ZDHHC11: variants seen among roughly 807,000 people sequenced by gnomAD.
The protein encoded by ZDHHC11 is palmitoyltransferase ZDHHC11.
In ZDHHC11, 44 loss-of-function variants were observed where a neutral mutation model predicts 51.3. That is an observed-to-expected ratio of 0.86 (90% CI 0.67 to 1.10). ZDHHC11 has a LOEUF of 1.10. Ranked by LOEUF, ZDHHC11 falls within the 50% of genes least tolerant of loss-of-function variation. ZDHHC11 has a pLI of 0.00. For synonymous variants in ZDHHC11, 163 were observed against 222.0 expected, an observed-to-expected ratio of 0.73 and a Z score of 2.36; for missense variants, 400 against 537.7, an observed-to-expected ratio of 0.74 and a Z score of 2.53.
chr5:856,041 C>T (rs1748193313), intron 1 of ZDHHC11, among the ~76,000 whole-genome samples: 2 of 152,090 alleles, frequency 1.3e-5, no homozygotes, highest in Admixed American at 6.5e-5. Context: ...GGGACACGGA[C>T]GTCACATCAG....
chr5:842,465 G>C (rs1745160378), intron 4 of ZDHHC11: 1 of 985,372 alleles, frequency 1.0e-6, no homozygotes, highest in African/African-American at 1.7e-5. Context: ...ACTTCCACGT[G>C]GAGCTGGCAA....
Position 819,613 on chromosome 5 carries a change from C to T in ZDHHC11, c.1059-1G>A, listed in dbSNP as rs1454692849. The T allele has an allele frequency of 1.2e-6, 2 of 1,609,030 alleles. No individual in the cohort carries two copies. Among genetic ancestry groups the T allele is most frequent in the Non-Finnish European group, 1.7e-6 (2 of 1,176,096 alleles). Reference sequence around the variant, plus strand: ...CAGCCGGGAGTTCCTGGCCTTGGCTCTGGTGGGGCAAACAGAAGGAAAGAA... The same window carrying T: ...CAGCCGGGAGTTCCTGGCCTTGGCTTTGGTGGGGCAAACAGAAGGAAAGAA... On this transcript the variant is annotated splice_acceptor_variant, in intron 9 of 12. Coordinates refer to ENST00000283441, the MANE Select transcript of ZDHHC11 (RefSeq NM_024786.3). LOFTEE classifies it high-confidence loss of function.
chr5:856,782 C>T (rs540646282), intron 1 of ZDHHC11, among the ~76,000 whole-genome samples: 213 of 151,464 alleles, frequency 1.4e-3, no homozygotes, highest in Admixed American at 2.9e-3. Flanking sequence ...ACACAGCACA[C>T]CACACAAACC....
At chr5:858,005 C>G (rs980163617) in intron 1 of ZDHHC11, among the ~76,000 whole-genome samples, 7 of 139,246 alleles carry the variant, frequency 5.0e-5, no homozygotes, top group Non-Finnish European at 1.1e-4. Flanking sequence ...TCCCCCGGGT[C>G]TGTCCCGGTC....
chr5:797,766 G>C (rs535433202), intron 12 of ZDHHC11, among the ~76,000 whole-genome samples: 1 of 151,604 alleles, frequency 6.6e-6, no homozygotes, highest in South Asian at 2.1e-4. Flanking sequence ...GTTTTCTGCT[G>C]CTTCTCACTC....
In ZDHHC11 at chr5:814,590, A is replaced by G. The variant is rs1447494054; in HGVS notation, c.1181+171T>C. On this transcript the variant is annotated intron_variant, in intron 11 of 12. Transcript: ENST00000283441. Reference sequence around the variant, plus strand: ...TTCTATAATTTTTTCAAGTAAGATGAGTGCAATAAGCCACATGAATGGCTA... The same window carrying G: ...TTCTATAATTTTTTCAAGTAAGATGGGTGCAATAAGCCACATGAATGGCTA... 2.6e-5 allele frequency among the ~76,000 whole-genome samples: 4 copies of G among 151,634 alleles called. 1 individual carries two copies. The highest frequency in any genetic ancestry group is 5.9e-5 in the Non-Finnish European group (4 of 67,800).
intron 10 of ZDHHC11, chr5:816,896 C>T (rs1740872717): frequency 4.5e-6 from 2 of 441,374 alleles, no homozygotes; most frequent in South Asian, 4.0e-5. Flanking sequence ...TTCACCAAGT[C>T]TATGGCTGAA....
rs568592132 is a variant in ZDHHC11 at position 850,894 on chromosome 5, G to A, written c.-292C>T. 3.5e-5 allele frequency: 16 copies of A among 455,776 alleles called. No homozygotes were observed. Among genetic ancestry groups the A allele is most frequent in the African/African-American group, 2.3e-4 (5 of 21,350 alleles). 28.2% of individuals were successfully genotyped at this position (455,776 alleles called of 1,614,324 possible). The stretch of plus-strand genomic sequence containing the variant: ...CCAGGGTGTGGAGGACCCAGTGCCC[G>A]CGCGACCGCCCATCAGTTCCCCTGA... On this transcript the variant is annotated 5_prime_UTR_variant, in exon 1 of 13. Coordinates refer to ENST00000283441, the MANE Select transcript of ZDHHC11 (RefSeq NM_024786.3).
chr5:802,820 A>G lies in ZDHHC11; in HGVS notation c.1182-1656T>C, dbSNP rs1738630544. Among the ~76,000 whole-genome samples, 3 of 126,384 alleles carry G rather than the reference A, an allele frequency of 2.4e-5. No individual in the cohort carries two copies. The Admixed American group carries it at 2.5e-4, about 11-fold the overall frequency. The allele number at this position is 126,384 out of a possible 152,430, so 82.9% of individuals were successfully genotyped here. A position where few individuals can be genotyped will look rare whatever the true frequency, so the allele number is the denominator to read the frequency against. On this transcript the variant is annotated intron_variant, in intron 11 of 12. Coordinates refer to ENST00000283441, the MANE Select transcript of ZDHHC11 (RefSeq NM_024786.3). ...AACTCTGTCTCTACTAAAAATACAAAAATACAAAAAAAAAAAAAAAAAAAA... is the reference window on the plus strand; with the variant it reads ...AACTCTGTCTCTACTAAAAATACAAGAATACAAAAAAAAAAAAAAAAAAAA...
Position 825,167 on chromosome 5 carries a change from T to C in ZDHHC11, c.1020A>G (p.Ala340=), listed in dbSNP as rs559659119. 3.7e-6 allele frequency: 6 copies of C among 1,611,510 alleles called. 1 individual carries two copies. In the East Asian group the frequency reaches 1.3e-4, roughly 36 times the overall value. The change falls in exon 8 of 13, where the codon GCA becomes GCG. Residue 340 remains alanine, a synonymous_variant. Transcript: ENST00000283441. ...TSVNQDGDST[A]REGDEDPCPS... is the part of the protein sequence containing the mutation. ...ATCGCTGGTGACTGCAACTTACCCG[T>C]GCCGTCGAATCCCCATCCTGGTTTA...
intron 6 of ZDHHC11, among the ~76,000 whole-genome samples, chr5:836,124 C>G (rs1743813824): frequency 6.7e-6 from 1 of 150,204 alleles, no homozygotes; most frequent in Non-Finnish European, 1.5e-5. Flanking sequence ...TGCCCAGCCT[C>G]CAAGAGAGGG....
intron 11 of ZDHHC11, among the ~76,000 whole-genome samples, chr5:805,866 G>A (rs1323733621): frequency 6.6e-6 from 1 of 150,976 alleles, no homozygotes; most frequent in Non-Finnish European, 1.5e-5. Flanking sequence ...GATATGGAGG[G>A]TCCCAGGGGC....
rs754290302 is a variant in ZDHHC11 at position 814,825 on chromosome 5, G to A, written c.1147-30C>T. On this transcript the variant is annotated intron_variant, in intron 10 of 12. Coordinates refer to ENST00000283441, the MANE Select transcript of ZDHHC11 (RefSeq NM_024786.3). ...GGGGGGAAGGGATGCAAAATTCATA[G>A]GATGAACAAAGACCTTGTTGACATT... The A allele has an allele frequency of 1.8e-5, 27 of 1,522,162 alleles. No individual in the cohort carries two copies. In the African/African-American group the frequency reaches 3.2e-4, roughly 18 times the overall value. The allele number at this position is 1,522,162 out of a possible 1,614,324, so 94.3% of individuals were successfully genotyped here. A position where few individuals can be genotyped will look rare whatever the true frequency, so the allele number is the denominator to read the frequency against.
chr5:803,062 C>T (rs1467134031), intron 11 of ZDHHC11, among the ~76,000 whole-genome samples: 3 of 150,234 alleles, frequency 2.0e-5, no homozygotes, highest in South Asian at 2.1e-4. Flanking sequence ...GCTGGTCTTT[C>T]GTGAATGGTG....
intron 3 of ZDHHC11, among the ~76,000 whole-genome samples, chr5:846,469 A>T (rs1386857044): frequency 1.3e-5 from 2 of 148,788 alleles, no homozygotes; most frequent in African/African-American, 5.0e-5. Flanking sequence ...AACACCTCTC[A>T]TCTATGAGCC....
intron 11 of ZDHHC11, among the ~76,000 whole-genome samples, chr5:805,633 A>G (rs1432177371): frequency 6.6e-6 from 1 of 151,340 alleles, no homozygotes; most frequent in African/African-American, 2.4e-5. Flanking sequence ...TATATGATAT[A>G]CACAATGCAA....
rs56961185 is a variant in ZDHHC11, at chr5:808,984, T to TACACACACACACACACACAC, written c.1181+5757_1181+5776dup. Among the ~76,000 whole-genome samples, 89 of 133,822 alleles carry TACACACACACACACACACAC rather than the reference T, an allele frequency of 6.7e-4. 1 individual carries two copies. Among genetic ancestry groups the TACACACACACACACACACAC allele is most frequent in the African/African-American group, 2.1e-3 (76 of 35,452 alleles). The allele number at this position is 133,822 out of a possible 152,430, so 87.8% of individuals were successfully genotyped here. ...CATGCTCCATCTTTTGACCATCAGT[T>TACACACACACACACACACAC]ACACACACACACACACACACACACA... On this transcript the variant is annotated intron_variant, in intron 11 of 12. Transcript: ENST00000283441.
intron 11 of ZDHHC11, among the ~76,000 whole-genome samples, chr5:805,914 T>TA (rs1489558446): frequency 6.6e-6 from 1 of 151,056 alleles, no homozygotes; most frequent in African/African-American, 2.4e-5. Context: ...GATGTGAGGT[T>TA]AAGCACAAGG....
At chr5:822,536 T>TATG (rs1278373584) in intron 8 of ZDHHC11, among the ~76,000 whole-genome samples, 2 of 93,504 alleles carry the variant, frequency 2.1e-5, no homozygotes, top group Non-Finnish European at 3.5e-5. Flanking sequence ...TGCTGGCTCA[T>TATG]ATGATAAGTA....
Sources: gnomAD v4.1 joint callset for allele counts (sites outside exome capture counted in the v4.1 genomes callset) on GRCh38, gnomAD v4.1.1 for gene constraint, MANE v1.5 for transcripts, NCBI Gene and HGNC (gene_info 2026-07-23, HGNC 2026-07-21) for gene names.